Variants in RAB39A observed in about 807,000 individuals in gnomAD.
RAB39A encodes the protein ras-related protein Rab-39A.
In RAB39A, 17 loss-of-function variants were observed where a neutral mutation model predicts 20.9. That is an observed-to-expected ratio of 0.81 (90% CI 0.56 to 1.22). The LOEUF (loss-of-function observed/expected upper bound fraction) is 1.22. Among genes scored for constraint, RAB39A ranks in the 50% most tolerant of loss-of-function variants. The probability of loss-of-function intolerance (pLI) is 0.00; values close to 1 mark genes in which losing one functional copy is unlikely to be tolerated. For synonymous variants in RAB39A, 99 were observed against 103.4 expected, an observed-to-expected ratio of 0.96 and a Z score of 0.26; for missense variants, 234 against 270.5, an observed-to-expected ratio of 0.87 and a Z score of 0.95.
At chr11:107,935,775 T>C (rs1041594368) in intron 1 of RAB39A, among the ~76,000 whole-genome samples, 9 of 152,112 alleles carry the variant, frequency 5.9e-5, no homozygotes, top group Non-Finnish European at 1.3e-4. Flanking sequence ...GATATTGGAA[T>C]ATCTGGACAC....
At chr11:107,959,316 G>T (rs1591250003) in intron 1 of RAB39A, among the ~76,000 whole-genome samples, 1 of 152,150 alleles carries the variant, frequency 6.6e-6, no homozygotes, top group African/African-American at 2.4e-5. Context: ...CAAGCTTTCA[G>T]TCTAAGAACA....
chr11:107,930,726 T>C (rs9667822), intron 1 of RAB39A, among the ~76,000 whole-genome samples: 40,200 of 151,462 alleles, frequency 0.27, 5,448 homozygotes, highest in Middle Eastern at 0.33. Context: ...CATGGTGGTG[T>C]GTGCCCGTAG....
intron 1 of RAB39A, among the ~76,000 whole-genome samples, chr11:107,947,889 GAATA>G (rs1269998970): frequency 6.8e-6 from 1 of 147,530 alleles, no homozygotes; most frequent in Non-Finnish European, 1.5e-5. Context: ...TGTGAGAGCA[GAATA>G]AATCAATATG....
chr11:107,956,528 A>G (rs1230551512), intron 1 of RAB39A, among the ~76,000 whole-genome samples: 1 of 152,230 alleles, frequency 6.6e-6, no homozygotes, highest in Non-Finnish European at 1.5e-5. Flanking sequence ...TTGTCCTTCT[A>G]TGGAGTGATT....
intron 1 of RAB39A, among the ~76,000 whole-genome samples, chr11:107,930,004 C>A (rs1861120332): frequency 6.6e-6 from 1 of 152,172 alleles, no homozygotes; most frequent in Non-Finnish European, 1.5e-5. Flanking sequence ...AGCATCACTG[C>A]GAATGAGATC....
At chr11:107,954,431 A>G (rs1861413021) in intron 1 of RAB39A, among the ~76,000 whole-genome samples, 1 of 152,108 alleles carries the variant, frequency 6.6e-6, no homozygotes, top group African/African-American at 2.4e-5. Flanking sequence ...AGACCTCCTA[A>G]TTACCAGCCC....
At chr11:107,932,495 G>T (rs1861148776) in intron 1 of RAB39A, among the ~76,000 whole-genome samples, 2 of 152,192 alleles carry the variant, frequency 1.3e-5, no homozygotes, top group Non-Finnish European at 2.9e-5. Context: ...CTGTGTGTCA[G>T]TTCAGGGGAA....
At chr11:107,959,382 TA>T (rs201920862) in intron 1 of RAB39A, among the ~76,000 whole-genome samples, 1,770 of 152,290 alleles carry the variant, frequency 0.012, 38 homozygotes, top group African/African-American at 0.041. Flanking sequence ...TTCACACATA[TA>T]AAGATGAGTG....
chr11:107,942,936 T>C (rs1861274336), intron 1 of RAB39A, among the ~76,000 whole-genome samples: 1 of 152,230 alleles, frequency 6.6e-6, no homozygotes, highest in Admixed American at 6.5e-5. Context: ...CAAACCACTA[T>C]TTTATTGTTA....
rs33940061 is a variant in RAB39A, at chr11:107,945,318, C to CAAAAAAAA, written c.227+16539_227+16546dup. On this transcript the variant is annotated intron_variant, in intron 1 of 1. Coordinates refer to ENST00000320578, the MANE Select transcript of RAB39A (RefSeq NM_017516.3). ...GCAACACAGCAAAACCCCGTCTCTA[C>CAAAAAAAA]AAAAAAAAAAAAAAAAAAAAAAAGT... Among the ~76,000 whole-genome samples the CAAAAAAAA allele has an allele frequency of 3.0e-3, 260 of 87,434 alleles. 2 individuals carry two copies. The highest frequency in any genetic ancestry group is 0.013 in the Middle Eastern group (2 of 160). 57.4% of individuals were successfully genotyped at this position (87,434 alleles called of 152,430 possible).
At chr11:107,951,531 T>C (rs778694196) in intron 1 of RAB39A, among the ~76,000 whole-genome samples, 12 of 152,194 alleles carry the variant, frequency 7.9e-5, no homozygotes, top group Non-Finnish European at 1.6e-4. Context: ...CTTACTATTT[T>C]GTTGCTTTTT....
At position 107,928,777 on chromosome 11, in the gene RAB39A, C is replaced by T; in HGVS notation, c.209C>T (p.Ala70Val). The T allele has an allele frequency of 6.3e-7, 1 of 1,589,706 alleles. No individual in the cohort carries two copies. Among genetic ancestry groups the T allele is most frequent in the South Asian group, 1.1e-5 (1 of 88,058 alleles). ...ATCAAGCTACAGCTCTGGGACACGG[C>T]GGGACAGGAGCGGTTCAGGTAGGGA... ...KRIKLQLWDT[A>V]GQERFRSITR... Residue 70 changes from alanine (A) to valine (V), a missense_variant, in exon 1 of 2, where the codon GCG becomes GTG. Ala to Val is a moderately conservative substitution (Grantham distance 64, BLOSUM62 0). Coordinates refer to ENST00000320578, the MANE Select transcript of RAB39A (RefSeq NM_017516.3). The surrounding 1 kb of genome is among the most constrained non-coding windows in gnomAD (Gnocchi z 4.9).
intron 1 of RAB39A, among the ~76,000 whole-genome samples, chr11:107,940,583 A>G (rs370349903): frequency 6.6e-6 from 1 of 152,096 alleles, no homozygotes; most frequent in African/African-American, 2.4e-5. Context: ...AAATTCCTAC[A>G]AGCTTATACT....
At chr11:107,945,785 G>A (rs917463547) in intron 1 of RAB39A, among the ~76,000 whole-genome samples, 1 of 152,066 alleles carries the variant, frequency 6.6e-6, no homozygotes, top group African/African-American at 2.4e-5. Context: ...CAAAAAACTG[G>A]AAACTTATTC....
At chr11:107,957,897 T>C (rs1019785823) in intron 1 of RAB39A, among the ~76,000 whole-genome samples, 14 of 152,018 alleles carry the variant, frequency 9.2e-5, no homozygotes, top group Non-Finnish European at 1.2e-4. Flanking sequence ...AGACTTTTTT[T>C]TTTCTTTCTT....
intron 1 of RAB39A, among the ~76,000 whole-genome samples, chr11:107,958,931 C>T (rs1244296698): frequency 6.6e-6 from 1 of 151,962 alleles, no homozygotes; most frequent in Admixed American, 6.6e-5. Flanking sequence ...ACCAGCCTGG[C>T]CAACATGGTA....
chr11:107,933,115 G>A (rs910569148), intron 1 of RAB39A, among the ~76,000 whole-genome samples: 6 of 152,012 alleles, frequency 3.9e-5, no homozygotes, highest in South Asian at 2.1e-4. Context: ...CATAAAAAGC[G>A]TTTAAAGTTA....
At chr11:107,951,618 T>TTC (rs1861380758) in intron 1 of RAB39A, among the ~76,000 whole-genome samples, 1 of 144,814 alleles carries the variant, frequency 6.9e-6, no homozygotes, top group Non-Finnish European at 1.5e-5. Flanking sequence ...TTTTCAGATT[T>TTC]TTTTTTTTTT....
At position 107,962,181 on chromosome 11, in the gene RAB39A, G is replaced by C. The variant is rs748109452; in HGVS notation, c.463G>C (p.Glu155Gln). The C allele has an allele frequency of 1.9e-6, 3 of 1,614,100 alleles. No individual in the cohort carries two copies. Among genetic ancestry groups the C allele is most frequent in the Non-Finnish European group, 2.5e-6 (3 of 1,179,986 alleles). ...LSADCGMKYI[E>Q]TSAKDATNVE... is the part of the protein sequence containing the mutation. Reference sequence around the variant, plus strand: ...AGCAGACTGTGGAATGAAGTATATAGAAACCTCAGCAAAGGATGCTACAAA... The same window carrying C: ...AGCAGACTGTGGAATGAAGTATATACAAACCTCAGCAAAGGATGCTACAAA... The change falls in exon 2 of 2, where the codon GAA becomes CAA. Residue 155 changes from glutamate (E) to glutamine (Q), a missense_variant. Transcript: ENST00000320578.
Sources: gnomAD v4.1 joint callset for allele counts (sites outside exome capture counted in the v4.1 genomes callset) on GRCh38, gnomAD v4.1.1 for gene constraint, Gnocchi (gnomAD v3.1) non-coding constraint, MANE v1.5 for transcripts, NCBI Gene and HGNC (gene_info 2026-07-23, HGNC 2026-07-21) for gene names.